SNX29: variants seen among roughly 807,000 people sequenced by gnomAD.
SNX29 encodes the protein sorting nexin-29.
In SNX29, 78 loss-of-function variants were observed where a neutral mutation model predicts 102.1. That is an observed-to-expected ratio of 0.76 (90% CI 0.64 to 0.92). SNX29 has a LOEUF of 0.92. Among genes scored for constraint, SNX29 ranks in the 40% least tolerant of loss-of-function variants. The probability of loss-of-function intolerance (pLI) is 0.00; values close to 1 mark genes in which losing one functional copy is unlikely to be tolerated. For missense variants in SNX29, 1,280 were observed against 1,061.7 expected (o/e 1.21, Z -2.86); for synonymous variants, 580 against 414.5 (o/e 1.40, Z -4.85).
intron 15 of SNX29, among the ~76,000 whole-genome samples, chr16:12,285,990 A>G (rs73506137): frequency 0.075 from 11,415 of 151,928 alleles, 1,026 homozygotes; most frequent in African/African-American, 0.21. Flanking sequence ...ACAGTAGCAT[A>G]CGCTACCATG....
intron 3 of SNX29, among the ~76,000 whole-genome samples, chr16:12,024,161 T>C (rs2151105009): frequency 2.0e-5 from 3 of 151,026 alleles, no homozygotes; most frequent in Middle Eastern, 3.4e-3. Context: ...CTTTTGAGAC[T>C]GAGTTTCGCT....
chr16:12,182,247 G>A (rs2076403757), intron 13 of SNX29, among the ~76,000 whole-genome samples: 1 of 138,308 alleles, frequency 7.2e-6, no homozygotes, highest in Non-Finnish European at 1.5e-5. Flanking sequence ...TTATTCTGCT[G>A]TCACTGTCGT....
chr16:12,231,767 T>C (rs1216730567), intron 14 of SNX29, among the ~76,000 whole-genome samples: 1 of 152,194 alleles, frequency 6.6e-6, no homozygotes, highest in East Asian at 1.9e-4. Flanking sequence ...AAACAGGCCC[T>C]CTTGGCCACT....
Position 12,494,774 on chromosome 16 carries a change from G to T in SNX29, c.2178+16915G>T, listed in dbSNP as rs923695519. Among the ~76,000 whole-genome samples the T allele has an allele frequency of 6.6e-5, 10 of 152,182 alleles. No homozygotes were observed. In the South Asian group the frequency reaches 2.1e-3, roughly 31 times the overall value. On this transcript the variant is annotated intron_variant, in intron 19 of 20. Transcript: ENST00000566228. ...GATCCTCATAAGCTGGTGAAAATGG[G>T]AAGTGTTTTGTGTCACAGAGGAGCC...
chr16:12,172,554 C>A (rs928360462), intron 13 of SNX29, among the ~76,000 whole-genome samples: 11 of 152,152 alleles, frequency 7.2e-5, no homozygotes, highest in African/African-American at 2.7e-4. Context: ...TCTCAGTGTT[C>A]TCATCTATAA....
At chr16:12,063,357 C>T (rs2050860367) in intron 9 of SNX29, among the ~76,000 whole-genome samples, 1 of 99,334 alleles carries the variant, frequency 1.0e-5, no homozygotes. Context: ...TCTTCTTTTC[C>T]TAGTCCATCT....
chr16:12,009,479 G>GTGTGTGTA (rs142139296), intron 3 of SNX29, among the ~76,000 whole-genome samples: 46 of 150,008 alleles, frequency 3.1e-4, no homozygotes, highest in African/African-American at 9.6e-4. Flanking sequence ...GTGTGTGTGT[G>GTGTGTGTA]TATATATATA....
intron 18 of SNX29, among the ~76,000 whole-genome samples, chr16:12,475,564 A>G (rs1030252749): frequency 6.6e-6 from 1 of 152,208 alleles, no homozygotes. Flanking sequence ...TGCATTTAAT[A>G]GGCTTCATGT....
At chr16:12,526,103 C>G (rs150554450) in intron 20 of SNX29, among the ~76,000 whole-genome samples, 16 of 152,266 alleles carry the variant, frequency 1.1e-4, no homozygotes, top group Non-Finnish European at 2.2e-4. Context: ...ATAGAGAAGA[C>G]CTGTGGGATT....
At chr16:12,324,903 C>G (rs999743206) in intron 15 of SNX29, among the ~76,000 whole-genome samples, 3 of 152,130 alleles carry the variant, frequency 2.0e-5, no homozygotes, top group African/African-American at 7.2e-5. Context: ...GAAATTAGAA[C>G]AATGACAATA....
rs796304654 is a variant in SNX29, at chr16:12,571,027, A to G, written c.*2398A>G. 46 of 232,806 alleles carry G rather than the reference A, an allele frequency of 2.0e-4. No individual in the cohort carries two copies. Among genetic ancestry groups the G allele is most frequent in the African/African-American group, 9.5e-4 (43 of 45,440 alleles). The allele number at this position is 232,806 out of a possible 1,614,324, so 14.4% of individuals were successfully genotyped here. A position where few individuals can be genotyped will look rare whatever the true frequency, so the allele number is the denominator to read the frequency against. The stretch of plus-strand genomic sequence containing the variant: ...TAGAGTCGAGTCATCTCGCAGATCC[A>G]GACCATCTCCTCTCATTCTCACTCT... On this transcript the variant is annotated 3_prime_UTR_variant, in exon 21 of 21. Coordinates refer to ENST00000566228, the MANE Select transcript of SNX29 (RefSeq NM_032167.5).
At chr16:12,029,259 C>A (rs1310882313) in intron 4 of SNX29, among the ~76,000 whole-genome samples, 3 of 152,114 alleles carry the variant, frequency 2.0e-5, no homozygotes, top group South Asian at 2.1e-4. Context: ...AAATTATGTT[C>A]ACTAAACAAA....
At chr16:12,019,789 A>C (rs1185908185) in intron 3 of SNX29, among the ~76,000 whole-genome samples, 1 of 151,790 alleles carries the variant, frequency 6.6e-6, no homozygotes. Flanking sequence ...GGCACGTACC[A>C]CCACACCCGA....
intron 3 of SNX29, among the ~76,000 whole-genome samples, chr16:12,024,421 T>C (rs34701893): frequency 0.42 from 64,075 of 151,920 alleles, 14,322 homozygotes; most frequent in Non-Finnish European, 0.5. Context: ...GCTGAGATTA[T>C]AAGTGTGAGC....
At chr16:12,449,433 C>T (rs921981107) in intron 18 of SNX29, among the ~76,000 whole-genome samples, 3 of 152,006 alleles carry the variant, frequency 2.0e-5, no homozygotes, top group African/African-American at 7.2e-5. Context: ...GTGGATTATG[C>T]AGTGCAAAGC....
intron 15 of SNX29, among the ~76,000 whole-genome samples, chr16:12,350,914 C>T (rs1291222809): frequency 8.5e-5 from 13 of 152,262 alleles, no homozygotes; most frequent in African/African-American, 2.2e-4. Context: ...TTGGGAGCCA[C>T]GAGTCTAAAC....
chr16:12,407,631 G>C (rs1302177298), intron 18 of SNX29, among the ~76,000 whole-genome samples: 1 of 151,832 alleles, frequency 6.6e-6, no homozygotes, highest in Non-Finnish European at 1.5e-5. Flanking sequence ...TTGTGTAATA[G>C]CTCATTCAAT....
intron 3 of SNX29, among the ~76,000 whole-genome samples, chr16:12,014,059 A>G (rs1596593983): frequency 6.6e-6 from 1 of 151,992 alleles, no homozygotes; most frequent in Non-Finnish European, 1.5e-5. Flanking sequence ...AAACTCCCAA[A>G]TAGCTGAGAC....
intron 18 of SNX29, among the ~76,000 whole-genome samples, chr16:12,406,401 A>G (rs896686307): frequency 3.3e-5 from 5 of 152,224 alleles, no homozygotes; most frequent in South Asian, 2.1e-4. Context: ...AGAGTAGACA[A>G]TCCCCATCTA....
Sources: allele counts gnomAD v4.1 joint callset (sites outside exome capture counted in the v4.1 genomes callset), GRCh38; gene constraint gnomAD v4.1.1; transcripts MANE v1.5; gene names NCBI Gene and HGNC (gene_info 2026-07-23, HGNC 2026-07-21).